CDH26: variants seen among roughly 807,000 people sequenced by gnomAD.
The protein encoded by CDH26 is cadherin 26.
CDH26 carries 83 observed loss-of-function variants against 90.3 expected under a neutral mutation model. The ratio of observed to expected loss-of-function variants is 0.92; its 90% CI spans 0.77 to 1.10. The LOEUF is 1.10. Ranked by LOEUF, CDH26 falls within the 50% of genes least tolerant of loss-of-function variation. The pLI is 0.00. For synonymous variants in CDH26, 397 were observed against 396.3 expected (o/e 1.00, Z -0.02); for missense variants, 1,013 against 1,037.6 (o/e 0.98, Z 0.33).
chr20:59,997,199 T>C (rs2145999849), intron 13 of CDH26, among the ~76,000 whole-genome samples: 1 of 152,384 alleles, frequency 6.6e-6, no homozygotes, highest in Admixed American at 6.5e-5. Context: ...GTTCCCTAAA[T>C]GGGATTGTGT....
intron 9 of CDH26, among the ~76,000 whole-genome samples, chr20:59,991,543 T>G (rs1601154577): frequency 6.6e-6 from 1 of 152,228 alleles, no homozygotes; most frequent in Non-Finnish European, 1.5e-5. Context: ...AAGGAACTTC[T>G]GGAACTTTCC....
chr20:59,981,169 G>C (rs2061391178), intron 4 of CDH26, among the ~76,000 whole-genome samples: 1 of 152,040 alleles, frequency 6.6e-6, no homozygotes, highest in Non-Finnish European at 1.5e-5. Flanking sequence ...TATAGTGTGA[G>C]TCCTCTAACT....
intron 4 of CDH26, among the ~76,000 whole-genome samples, chr20:59,980,890 T>A (rs972054306): frequency 3.9e-5 from 6 of 152,234 alleles, no homozygotes; most frequent in African/African-American, 1.4e-4. Flanking sequence ...ATGTTTTACA[T>A]GTATGTCTGT....
At chr20:60,008,317 GC>G (rs1271857867) in intron 17 of CDH26, among the ~76,000 whole-genome samples, 1 of 152,164 alleles carries the variant, frequency 6.6e-6, no homozygotes, top group Non-Finnish European at 1.5e-5. Context: ...TGGGGGAGGT[GC>G]TGTCATATGC....
At chr20:59,982,416 G>A (rs1413836005) in intron 4 of CDH26, among the ~76,000 whole-genome samples, 1 of 152,190 alleles carries the variant, frequency 6.6e-6, no homozygotes, top group Non-Finnish European at 1.5e-5. Flanking sequence ...CATATTTGAC[G>A]TGGACTGACT....
At chr20:60,032,695 G>A (rs1457624041) in intron 8 of CDH26, among the ~76,000 whole-genome samples, 1 of 152,062 alleles carries the variant, frequency 6.6e-6, no homozygotes, top group Non-Finnish European at 1.5e-5. Flanking sequence ...CATGTCCTTT[G>A]TAGGGACATG....
At chr20:60,025,682 T>C (rs1024236214) in intron 7 of CDH26, among the ~76,000 whole-genome samples, 1 of 152,196 alleles carries the variant, frequency 6.6e-6, no homozygotes, top group East Asian at 1.9e-4. Flanking sequence ...CCCTTGGGCA[T>C]ACCTGTTTTA....
chr20:59,976,424 A>G (rs2061329159), intron 4 of CDH26, among the ~76,000 whole-genome samples: 1 of 152,264 alleles, frequency 6.6e-6, no homozygotes, highest in African/African-American at 2.4e-5. Flanking sequence ...TTATGGAACT[A>G]AAGGTCTCAT....
At chr20:59,979,644 T>A (rs955264875) in intron 4 of CDH26, among the ~76,000 whole-genome samples, 1 of 124,820 alleles carries the variant, frequency 8.0e-6, no homozygotes, top group Non-Finnish European at 1.6e-5. Context: ...TTTTTTTTTT[T>A]AGATAGAGTT....
At chr20:59,960,440 T>C (rs2426857) in intron 1 of CDH26, among the ~76,000 whole-genome samples, 2,333 of 152,058 alleles carry the variant, frequency 0.015, 65 homozygotes, top group African/African-American at 0.053. Flanking sequence ...GCCTGATATA[T>C]AGACACAAAG....
intron 12 of CDH26, 85 bp downstream of exon 12, chr20:59,996,139 G>A: frequency 7.4e-7 from 1 of 1,344,520 alleles, no homozygotes; most frequent in Admixed American, 2.1e-5. Flanking sequence ...TGGGGTAGGG[G>A]ACAGCGGTGG....
chr20:59,988,765 A>C (rs563990278), intron 8 of CDH26, 139 bp from the exon 9 acceptor site: 1 of 879,206 alleles, frequency 1.1e-6, no homozygotes, highest in Admixed American at 2.8e-5. Context: ...CTGTCTTTTG[A>C]TCATTATCAA....
intron 7 of CDH26, among the ~76,000 whole-genome samples, chr20:60,023,842 C>G (rs573915301): frequency 6.6e-6 from 1 of 152,274 alleles, no homozygotes; most frequent in South Asian, 2.1e-4. Context: ...GAAAATAAAA[C>G]TAGTGCCCCA....
Position 59,969,004 on chromosome 20 carries a change from A to G in CDH26, c.107A>G (p.Asp36Gly). ...GACAGTGTTCAACAGGAAACAGATG[A>G]TCTTACTAAGCAAACAAAGGTGAGG... ...IIDSVQQETDDLTKQTKEKIY... is the reference protein window; with the variant it reads ...IIDSVQQETDGLTKQTKEKIY... The change falls in exon 2 of 18, where the codon GAT (aspartate) becomes GGT (glycine). Residue 36 changes from aspartate (D) to glycine (G), a missense_variant. Transcript: ENST00000348616. 2 of 1,593,392 alleles carry G rather than the reference A, an allele frequency of 1.3e-6. No homozygotes were observed. Among genetic ancestry groups the G allele is most frequent in the Non-Finnish European group, 1.7e-6 (2 of 1,162,144 alleles).
In CDH26 at chr20:60,012,667, C is replaced by T; in HGVS notation, c.2436C>T (p.Asp812=). The change falls in exon 18 of 18, where the codon GAC becomes GAT. Residue 812 remains aspartate (D), a synonymous_variant. Transcript: ENST00000348616. ...LEQELQPDLL[D]SLGSKATPFE... is the part of the protein sequence containing the mutation. ...AGGAGTTGCAACCTGATTTGCTGGA[C>T]TCTTTGGGTTCAAAAGCGACTCCGT... 11 of 1,611,970 alleles carry T rather than the reference C, an allele frequency of 6.8e-6. No individual in the cohort carries two copies. The highest frequency in any genetic ancestry group is 9.3e-6 in the Non-Finnish European group (11 of 1,178,950).
chr20:60,008,453 A>G lies in CDH26; in HGVS notation c.2295+1666A>G, dbSNP rs2036021339. Among the ~76,000 whole-genome samples, 11 of 152,304 alleles carry G rather than the reference A, an allele frequency of 7.2e-5. No individual in the cohort carries two copies. The South Asian group carries it at 2.3e-3, about 32-fold the overall frequency. ...ACTGGGCTCCAGGGTCTAGGCACTT[A>G]GGGGGCTCATTAAAAAGCAGCAATC... On this transcript the variant is annotated intron_variant, in intron 17 of 17. Transcript: ENST00000348616.
intron 4 of CDH26, among the ~76,000 whole-genome samples, chr20:59,974,520 T>C (rs1441384989): frequency 2.6e-5 from 4 of 152,122 alleles, no homozygotes; most frequent in Non-Finnish European, 5.9e-5. Flanking sequence ...CACAGATAGA[T>C]CCTAGGCACC....
chr20:59,965,017 C>T (rs1428833330), intron 1 of CDH26, among the ~76,000 whole-genome samples: 1 of 152,200 alleles, frequency 6.6e-6, no homozygotes, highest in African/African-American at 2.4e-5. Flanking sequence ...AAAAATTATA[C>T]ACCTGGGTAG....
At position 59,968,025 on chromosome 20, in the gene CDH26, G is replaced by GTCTC. The variant is rs777837348; in HGVS notation, c.70-918_70-915dup. 2.3e-3 allele frequency among the ~76,000 whole-genome samples: 134 copies of GTCTC among 57,232 alleles called. 1 individual carries two copies. The highest frequency in any genetic ancestry group is 3.3e-3 in the East Asian group (8 of 2,440). The allele number at this position is 57,232 out of a possible 152,430, so 37.5% of individuals were successfully genotyped here. On this transcript the variant is annotated intron_variant, in intron 1 of 17. Transcript: ENST00000348616. ...TTTCTTTCTTTCTTCCTTTCTCTCT[G>GTCTC]TCTCTCTCTCTCTCTCTCTCTCTCT...
Sources: allele counts gnomAD v4.1 joint callset (sites outside exome capture counted in the v4.1 genomes callset), GRCh38; gene constraint gnomAD v4.1.1; transcripts MANE v1.5; gene names NCBI Gene and HGNC (gene_info 2026-07-23, HGNC 2026-07-21).